Variants in DCC observed in about 807,000 individuals in gnomAD.
DCC encodes netrin receptor DCC.
DCC carries 58 observed loss-of-function variants against 172.5 expected under a neutral mutation model. That is an observed-to-expected ratio of 0.34 (90% CI 0.27 to 0.42). The LOEUF (loss-of-function observed/expected upper bound fraction) is 0.42. DCC is among the 10% of genes least tolerant of loss of function. The pLI, the probability that DCC is intolerant of heterozygous loss-of-function variation, is 1.00. For missense variants in DCC, 1,740 were observed against 1,791.0 expected (o/e 0.97, Z 0.51); for synonymous variants, 709 against 644.5 (o/e 1.10, Z -1.52).
chr18:52,357,099 G>C (rs1984402301), intron 1 of DCC, among the ~76,000 whole-genome samples: 1 of 152,100 alleles, frequency 6.6e-6, no homozygotes, highest in Non-Finnish European at 1.5e-5. Flanking sequence ...CTTAACCCAT[G>C]TACTCACCAG....
In DCC at chr18:53,535,279, A is replaced by G. The variant is rs2046563828; in HGVS notation, c.*4626A>G. Reference sequence around the variant, plus strand: ...GTTGGGATCTAGATACGGCTGTTAAAGCTGCAGTGTTCCATACCTCAGAGG... The same window carrying G: ...GTTGGGATCTAGATACGGCTGTTAAGGCTGCAGTGTTCCATACCTCAGAGG... On this transcript the variant is annotated 3_prime_UTR_variant, in exon 29 of 29. Transcript: ENST00000442544. 6.6e-6 allele frequency: 1 copy of G among 152,184 alleles called. No homozygotes were observed. Among genetic ancestry groups the G allele is most frequent in the Admixed American group, 6.5e-5 (1 of 15,274 alleles). The allele number at this position is 152,184 out of a possible 1,614,324, so 9.4% of individuals were successfully genotyped here.
Position 52,628,095 on chromosome 18 carries a change from A to G in DCC, c.92-123959A>G, listed in dbSNP as rs141841687. Among the ~76,000 whole-genome samples, 367 of 152,158 alleles carry G rather than the reference A, an allele frequency of 2.4e-3. 1 individual carries two copies. The highest frequency in any genetic ancestry group is 8.3e-3 in the African/African-American group (345 of 41,510). Reference sequence around the variant, plus strand: ...TTACCCTTTCCAATTCTCATTCTCTATTTCCACATTTGAGATGGCATCAAC... The same window carrying G: ...TTACCCTTTCCAATTCTCATTCTCTGTTTCCACATTTGAGATGGCATCAAC... On this transcript the variant is annotated intron_variant, in intron 1 of 28. Transcript: ENST00000442544.
At chr18:52,872,955 G>A (rs553512600) in intron 2 of DCC, among the ~76,000 whole-genome samples, 4 of 151,872 alleles carry the variant, frequency 2.6e-5, no homozygotes, top group Non-Finnish European at 5.9e-5. Flanking sequence ...TTTCACAGAC[G>A]AACTAATGAA....
chr18:53,008,316 A>G (rs2143868104), intron 5 of DCC, among the ~76,000 whole-genome samples: 1 of 152,054 alleles, frequency 6.6e-6, no homozygotes, highest in East Asian at 1.9e-4. Flanking sequence ...TATTCTACTT[A>G]ATTATAGTTC....
In DCC at chr18:53,126,513, G is replaced by C. The variant is rs1438714074; in HGVS notation, c.1262-30843G>C. Among the ~76,000 whole-genome samples, 4 of 151,730 alleles carry C rather than the reference G, an allele frequency of 2.6e-5. No individual in the cohort carries two copies. In the East Asian group the frequency reaches 7.7e-4, roughly 29 times the overall value. Reference sequence around the variant, plus strand: ...GGAGCAGTTAGTATTATCTTTTTGGGCTTTAAAAGCACAGAAAACAGTTGG... The same window carrying C: ...GGAGCAGTTAGTATTATCTTTTTGGCCTTTAAAAGCACAGAAAACAGTTGG... On this transcript the variant is annotated intron_variant, in intron 7 of 28. Coordinates refer to ENST00000442544, the MANE Select transcript of DCC (RefSeq NM_005215.4).
intron 24 of DCC, among the ~76,000 whole-genome samples, chr18:53,464,007 T>C (rs929656464): frequency 6.6e-6 from 1 of 152,182 alleles, no homozygotes; most frequent in Non-Finnish European, 1.5e-5. Context: ...CCTACTTCAT[T>C]CTCTAACCAC....
intron 1 of DCC, among the ~76,000 whole-genome samples, chr18:52,686,019 G>A (rs570784748): frequency 6.6e-6 from 1 of 151,816 alleles, no homozygotes; most frequent in African/African-American, 2.4e-5. Flanking sequence ...AATGTAAAGG[G>A]GTACAGGACA....
intron 15 of DCC, among the ~76,000 whole-genome samples, chr18:53,377,002 T>C (rs999266256): frequency 6.6e-6 from 1 of 152,170 alleles, no homozygotes; most frequent in Admixed American, 6.5e-5. Context: ...TTTCAATATC[T>C]TTTCCACTTT....
At chr18:52,612,056 T>G (rs1312239917) in intron 1 of DCC, among the ~76,000 whole-genome samples, 2 of 152,228 alleles carry the variant, frequency 1.3e-5, no homozygotes. Context: ...TCCACACTTC[T>G]GTGGGTTGAT....
At chr18:53,072,636 G>A (rs11876285) in intron 7 of DCC, among the ~76,000 whole-genome samples, 13,640 of 152,204 alleles carry the variant, frequency 0.09, 831 homozygotes, top group Non-Finnish European at 0.13. Flanking sequence ...GCCATGGGAA[G>A]AAATAATGTA....
intron 1 of DCC, among the ~76,000 whole-genome samples, chr18:52,540,100 T>A (rs1273820276): frequency 2.6e-5 from 4 of 152,184 alleles, no homozygotes; most frequent in Admixed American, 2.6e-4. Context: ...TTTCTTTAAA[T>A]GTACACTCTA....
chr18:52,503,002 C>G (rs993928054), intron 1 of DCC, among the ~76,000 whole-genome samples: 1 of 152,130 alleles, frequency 6.6e-6, no homozygotes, highest in Admixed American at 6.6e-5. Flanking sequence ...GCAGTACAAA[C>G]GTATTTAAGC....
At position 53,535,523 on chromosome 18, in the gene DCC, G is replaced by C. The variant is rs923481108; in HGVS notation, c.*4870G>C. On this transcript the variant is annotated 3_prime_UTR_variant, in exon 29 of 29. Coordinates refer to ENST00000442544, the MANE Select transcript of DCC (RefSeq NM_005215.4). Reference sequence around the variant, plus strand: ...CAGATTGTTAGTGTGCTAGTGATAAGTTTATTTGGTAGAAATGGGTATACT... The same window carrying C: ...CAGATTGTTAGTGTGCTAGTGATAACTTTATTTGGTAGAAATGGGTATACT... 4 of 152,302 alleles carry C rather than the reference G, an allele frequency of 2.6e-5. No homozygotes were observed. The highest frequency in any genetic ancestry group is 4.4e-5 in the Non-Finnish European group (3 of 68,012). The allele number at this position is 152,302 out of a possible 1,614,324, so 9.4% of individuals were successfully genotyped here. A position where few individuals can be genotyped will look rare whatever the true frequency, so the allele number is the denominator to read the frequency against.
chr18:53,508,965 G>A, intron 27 of DCC, among the ~76,000 whole-genome samples: 1 of 152,170 alleles, frequency 6.6e-6, no homozygotes, highest in East Asian at 1.9e-4. Flanking sequence ...CCCCAGTAAG[G>A]CCTTATATCC....
chr18:53,081,538 C>T (rs1039249662), intron 7 of DCC, among the ~76,000 whole-genome samples: 1 of 151,968 alleles, frequency 6.6e-6, no homozygotes, highest in African/African-American at 2.4e-5. Flanking sequence ...AAAAAGACCT[C>T]CTCCACTCTC....
At chr18:52,846,663 T>G (rs1568142205) in intron 2 of DCC, among the ~76,000 whole-genome samples, 1 of 139,706 alleles carries the variant, frequency 7.2e-6, no homozygotes, top group Non-Finnish European at 1.6e-5. Context: ...TTGGGGATAC[T>G]TGTCTTGGTG....
intron 1 of DCC, among the ~76,000 whole-genome samples, chr18:52,407,027 AT>A (rs928628242): frequency 7.2e-5 from 11 of 151,930 alleles, no homozygotes; most frequent in Admixed American, 7.2e-4. Flanking sequence ...CTCCTACTAG[AT>A]TGGTGAGTTT....
intron 1 of DCC, among the ~76,000 whole-genome samples, chr18:52,435,672 C>T (rs530217386): frequency 3.0e-4 from 46 of 152,270 alleles, no homozygotes; most frequent in Non-Finnish European, 4.7e-4. Context: ...GGCTGCCAGC[C>T]GCCCTTGAGA....
chr18:52,476,806 A>T (rs1989107776), intron 1 of DCC, among the ~76,000 whole-genome samples: 1 of 152,298 alleles, frequency 6.6e-6, no homozygotes, highest in South Asian at 2.1e-4. Flanking sequence ...GATGAGGCAC[A>T]TATTACCTCT....
Sources: allele counts gnomAD v4.1 joint callset (sites outside exome capture counted in the v4.1 genomes callset), GRCh38; gene constraint gnomAD v4.1.1; transcripts MANE v1.5; gene names NCBI Gene and HGNC (gene_info 2026-07-23, HGNC 2026-07-21).